Variants in CCT8 observed in about 807,000 individuals in gnomAD.
CCT8 encodes chaperonin containing TCP1 subunit 8, also known as T-complex protein 1 subunit theta.
Under a neutral mutation model 65.7 loss-of-function variants are expected in CCT8, and 10 were observed. That is an observed-to-expected ratio of 0.15 (90% CI 0.09 to 0.26). The LOEUF is 0.26. Ranked by LOEUF, CCT8 falls within the 10% of genes least tolerant of loss-of-function variation. The pLI is 1.00. For synonymous variants in CCT8, 199 were observed against 221.8 expected (o/e 0.90, Z 0.92); for missense variants, 568 against 669.1 (o/e 0.85, Z 1.67).
At position 29,062,354 on chromosome 21, in the gene CCT8, T is replaced by C; in HGVS notation, c.1070A>G (p.Asp357Gly). 1 of 1,613,994 alleles carries C rather than the reference T, an allele frequency of 6.2e-7. No individual in the cohort carries two copies. The highest frequency in any genetic ancestry group is 1.3e-5 in the African/African-American group (1 of 75,050). ...ATGCTTAAAAACCACCACCTGAGTA[T>C]CTCCAACTTCTGAGAGGTAAACACT... Reference protein sequence around the residue: ...CDSVYLSEVGDTQVVVFKHEK... With the variant: ...CDSVYLSEVGGTQVVVFKHEK... Residue 357 changes from aspartate (D) to glycine (G), a missense_variant, in exon 10 of 15, where the codon GAT (aspartate) becomes GGT (glycine). Physicochemically the swap from Asp to Gly is moderately conservative, Grantham distance 94. Transcript: ENST00000286788.
chr21:29,063,341 CT>C lies in CCT8; in HGVS notation c.941+10del. 6.3e-7 allele frequency: 1 copy of C among 1,599,470 alleles called. No homozygotes were observed. On this transcript the variant is annotated intron_variant, in intron 8 of 14. Transcript: ENST00000286788. ...TGATATAGGTAAAAAAAAAAATCGG[CT>C]TTTTCTTACCTCACTAACATGATAT...
At position 29,073,434 on chromosome 21, in the gene CCT8, C is replaced by T. The variant is rs367868512; in HGVS notation, c.60+97G>A. 604 of 1,594,264 alleles carry T rather than the reference C, an allele frequency of 3.8e-4. 7 individuals carry two copies. In the African/African-American group the frequency reaches 6.7e-3, roughly 18 times the overall value. Reference sequence around the variant, plus strand: ...TCTTCCCCCGGCCGCTGAGCCAGGGCAGCACGCTCAGCCCGTTAGTAGGCC... The same window carrying T: ...TCTTCCCCCGGCCGCTGAGCCAGGGTAGCACGCTCAGCCCGTTAGTAGGCC... On this transcript the variant is annotated intron_variant, in intron 1 of 14. Coordinates refer to ENST00000286788, the MANE Select transcript of CCT8 (RefSeq NM_006585.4).
At chr21:29,063,636 T>C (rs2085588503) in intron 7 of CCT8, 106 bp from the exon 8 acceptor site, 2 of 976,704 alleles carry the variant, frequency 2.0e-6, no homozygotes, top group Non-Finnish European at 3.1e-6. Context: ...CAAAAAAATA[T>C]GAAGATATAT....
intron 14 of CCT8, chr21:29,059,657 C>G (rs1003864224): frequency 9.2e-5 from 14 of 152,224 alleles, no homozygotes; most frequent in African/African-American, 3.4e-4. Context: ...ACCTAATAAG[C>G]TGACAGAGAA....
At position 29,073,627 on chromosome 21, in the gene CCT8, G is replaced by A. The variant is rs2070610; in HGVS notation, c.-37C>T. The A allele has an allele frequency of 0.13, 202,546 of 1,602,780 alleles. 14,324 individuals are homozygous for A. The highest frequency in any genetic ancestry group is 0.29 in the African/African-American group (21,613 of 74,776). On this transcript the variant is annotated 5_prime_UTR_variant, in exon 1 of 15. Coordinates refer to ENST00000286788, the MANE Select transcript of CCT8 (RefSeq NM_006585.4). ...AGGAAGCAGTTCACGCGACCGCTCG[G>A]AAGACCGCGGAGGAAGCGAGGAGCA...
chr21:29,067,671 G>C lies in CCT8; in HGVS notation c.266C>G (p.Ala89Gly), dbSNP rs761323212. 4 of 1,362,924 alleles carry C rather than the reference G, an allele frequency of 2.9e-6. No individual in the cohort carries two copies. In the South Asian group the frequency reaches 9.2e-5, roughly 31 times the overall value. 84.4% of individuals were successfully genotyped at this position (1,362,924 alleles called of 1,614,324 possible). Residue 89 changes from alanine to glycine, a missense_variant, in exon 4 of 15, where the codon GCT (alanine) becomes GGT (glycine). Physicochemically the swap from Ala to Gly is moderately conservative, Grantham distance 60. Coordinates refer to ENST00000286788, the MANE Select transcript of CCT8 (RefSeq NM_006585.4). The part of the protein sequence containing the change: ...QHPAAKMIVM[A>G]SHMQEQEVGD... ...AACTTCTTGCTCTTGCATATGAGAA[G>C]CCATTACAATCATTTTTGCAGCAGG...
chr21:29,062,631 A>C, intron 8 of CCT8, 75 bp from the exon 9 acceptor site: 7 of 1,125,752 alleles, frequency 6.2e-6, no homozygotes, highest in Non-Finnish European at 9.1e-6. Context: ...ATTAAAGAGG[A>C]ACCTGTATAC....
Position 29,062,534 on chromosome 21 carries a change from G to C in CCT8, c.964C>G (p.Arg322Gly). 1 of 1,613,634 alleles carries C rather than the reference G, an allele frequency of 6.2e-7. No individual in the cohort carries two copies. The highest frequency in any genetic ancestry group is 8.5e-7 in the Non-Finnish European group (1 of 1,179,798). The change falls in exon 9 of 15, where the codon CGA (arginine) becomes GGA (glycine). Residue 322 changes from arginine (R) to glycine (G), a missense_variant. Coordinates refer to ENST00000286788, the MANE Select transcript of CCT8 (RefSeq NM_006585.4). ...LVRLNSKWDL[R>G]RLCKTVGATA... ...GCACCAACAGTTTTACAAAGTCTTC[G>C]GAGATCCCATTTTGAGTTTAGCCTT...
chr21:29,070,370 A>C (rs954813557), intron 1 of CCT8, 33 bp from the exon 2 acceptor site: 1 of 1,394,490 alleles, frequency 7.2e-7, no homozygotes, highest in African/African-American at 1.4e-5. Flanking sequence ...AACCCCGCTA[A>C]TTAGACAGGA....
At chr21:29,057,276 A>G (rs1170760745) in intron 14 of CCT8, among the ~76,000 whole-genome samples, 1 of 151,460 alleles carries the variant, frequency 6.6e-6, no homozygotes, top group Non-Finnish European at 1.5e-5. Flanking sequence ...GGTTCAAGCA[A>G]TTCTCCTGCC....
intron 1 of CCT8, chr21:29,072,059 GTTAGTCCCTGAGCCTGGCATTTCCCCC>G: frequency 1.5e-6 from 1 of 672,112 alleles, no homozygotes; most frequent in Admixed American, 2.3e-5. Context: ...CTTTGTACTA[GTTAGTCCCTGAGCCTGGCATTTCCCCC>G]TAAGTAAGAG....
chr21:29,071,294 G>A (rs1276761165), intron 1 of CCT8, among the ~76,000 whole-genome samples: 2 of 152,164 alleles, frequency 1.3e-5, no homozygotes, highest in Non-Finnish European at 2.9e-5. Context: ...CTGATACAGC[G>A]TATGTCCAGC....
At position 29,062,075 on chromosome 21, in the gene CCT8, CCATA is replaced by C. The variant is rs576582243; in HGVS notation, c.1212+49_1212+52del. The C allele has an allele frequency of 4.6e-5, 54 of 1,170,428 alleles. No homozygotes were observed. In the East Asian group the frequency reaches 1.1e-3, roughly 25 times the overall value. 72.5% of individuals were successfully genotyped at this position (1,170,428 alleles called of 1,614,324 possible). On this transcript the variant is annotated intron_variant, in intron 11 of 14. Coordinates refer to ENST00000286788, the MANE Select transcript of CCT8 (RefSeq NM_006585.4). The stretch of plus-strand genomic sequence containing the variant: ...GAGTCTGCAAACTGTACTTTTAAGA[CCATA>C]CAAATTACTCAGACCTTACAAACTA...
chr21:29,073,542 C>T lies in CCT8; in HGVS notation c.49G>A (p.Glu17Lys), dbSNP rs2085707969. ...KAPGFAQMLKEGAKHFSGLEE... is the reference protein window; with the variant it reads ...KAPGFAQMLKKGAKHFSGLEE... The stretch of plus-strand genomic sequence containing the variant: ...CCTTCAGCCCTTACTTTCGCTCCCT[C>T]CTTGAGCATCTGGGCAAAGCCCGGA... The change falls in exon 1 of 15, where the codon GAG becomes AAG. Residue 17 changes from glutamate (E) to lysine (K), a missense_variant. Transcript: ENST00000286788. 6.2e-7 allele frequency: 1 copy of T among 1,614,182 alleles called. No homozygotes were observed. Among genetic ancestry groups the T allele is most frequent in the Non-Finnish European group, 8.5e-7 (1 of 1,180,030 alleles).
intron 4 of CCT8, 44 bp downstream of exon 4, chr21:29,067,512 G>T: frequency 7.1e-7 from 1 of 1,415,816 alleles, no homozygotes; most frequent in Non-Finnish European, 9.2e-7. Context: ...AGGTGTATAT[G>T]TAAGCAAAAA....
intron 14 of CCT8, 137 bp downstream of exon 14, chr21:29,060,404 G>T: frequency 1.3e-6 from 1 of 774,194 alleles, no homozygotes. Flanking sequence ...ATTGGAGGGG[G>T]GCACATAGTA....
In CCT8 at chr21:29,063,291, G is replaced by C. The variant is rs190082888; in HGVS notation, c.941+61C>G. 273 of 1,345,512 alleles carry C rather than the reference G, an allele frequency of 2.0e-4. No individual in the cohort carries two copies. The African/African-American group carries it at 3.7e-3, about 18-fold the overall frequency. 83.3% of individuals were successfully genotyped at this position (1,345,512 alleles called of 1,614,324 possible). A position where few individuals can be genotyped will look rare whatever the true frequency, so the allele number is the denominator to read the frequency against. On this transcript the variant is annotated intron_variant, in intron 8 of 14. Coordinates refer to ENST00000286788, the MANE Select transcript of CCT8 (RefSeq NM_006585.4). ...GTCTTCATGGTCTATTTCGTTTAGT[G>C]TTTTCACCACCAAAAAACCATTTAT...
At chr21:29,067,429 G>A in intron 4 of CCT8, 127 bp downstream of exon 4, 1 of 639,674 alleles carries the variant, frequency 1.6e-6, no homozygotes. Context: ...GTACTATAAT[G>A]GCTGGTACAG....
At chr21:29,067,732 A>C (rs780111353) in intron 3 of CCT8, 27 bp from the exon 4 acceptor site, 2 of 1,332,456 alleles carry the variant, frequency 1.5e-6, no homozygotes, top group East Asian at 2.8e-5. Context: ...TATCAAGTTA[A>C]ACATCTGATC....
Sources: gnomAD v4.1 joint callset for allele counts (sites outside exome capture counted in the v4.1 genomes callset) on GRCh38, gnomAD v4.1.1 for gene constraint, MANE v1.5 for transcripts, NCBI Gene and HGNC (gene_info 2026-07-23, HGNC 2026-07-21) for gene names.